Variants in ANOS1 observed in about 807,000 individuals in gnomAD.
The protein encoded by ANOS1 is anosmin 1.
In ANOS1, 6 loss-of-function variants were observed where a neutral mutation model predicts 59.0. The ratio of observed to expected loss-of-function variants is 0.10; its 90% CI spans 0.06 to 0.20. ANOS1 has a LOEUF of 0.20. Ranked by LOEUF, ANOS1 falls within the 10% of genes least tolerant of loss-of-function variation. The pLI, the probability that ANOS1 is intolerant of heterozygous loss-of-function variation, is 1.00. For missense variants in ANOS1, 433 were observed against 542.3 expected (o/e 0.80, Z 2.00); for synonymous variants, 217 against 223.4 (o/e 0.97, Z 0.25).
chrX:8,537,749 C>T (rs1159201598), intron 10 of ANOS1, among the ~76,000 whole-genome samples: 1 of 94,723 alleles, frequency 1.1e-5, no homozygotes, highest in Non-Finnish European at 2.1e-5. Flanking sequence ...ATGGTTTTTA[C>T]GTGTGTGTGT....
At chrX:8,535,204 CA>C (rs1929568557) in intron 12 of ANOS1, 1 of 147,080 alleles carries the variant, frequency 6.8e-6, no homozygotes, top group Non-Finnish European at 1.3e-5. Context: ...GGAAGACGGA[CA>C]AACAACAAGC....
intron 2 of ANOS1, among the ~76,000 whole-genome samples, chrX:8,654,010 G>A (rs1931890139): frequency 8.9e-6 from 1 of 112,039 alleles, no homozygotes; most frequent in Non-Finnish European, 1.9e-5. Flanking sequence ...CCTCCAGCCA[G>A]CTAAATCCCT....
At chrX:8,668,241 C>G (rs1332273048) in intron 2 of ANOS1, among the ~76,000 whole-genome samples, 1 of 106,983 alleles carries the variant, frequency 9.3e-6, no homozygotes, top group South Asian at 4.2e-4. Context: ...GCTTTTGCAT[C>G]CTCATAGCTT....
chrX:8,613,811 G>A (rs5934458), intron 3 of ANOS1, among the ~76,000 whole-genome samples: 40,681 of 110,190 alleles, frequency 0.37, 5,407 homozygotes, highest in South Asian at 0.43. Context: ...CATAAACATG[G>A]CTATCCCTAA....
intron 2 of ANOS1, among the ~76,000 whole-genome samples, chrX:8,664,459 C>G (rs1932099600): frequency 9.1e-6 from 1 of 110,427 alleles, no homozygotes; most frequent in Non-Finnish European, 1.9e-5. Context: ...TCCCAAAGTG[C>G]TGGGATTACA....
intron 3 of ANOS1, among the ~76,000 whole-genome samples, chrX:8,597,667 T>C (rs1852798147): frequency 2.4e-5 from 2 of 83,534 alleles, no homozygotes; most frequent in East Asian, 7.5e-4. Context: ...CCTTTTTTTT[T>C]TTTTTTTTTT....
At chrX:8,563,656 C>T (rs1174417922) in intron 8 of ANOS1, among the ~76,000 whole-genome samples, 2 of 112,310 alleles carry the variant, frequency 1.8e-5, no homozygotes, top group African/African-American at 6.5e-5. Flanking sequence ...AGAAAGCTGT[C>T]GTGTTAGAGT....
In ANOS1 at chrX:8,536,247, T is replaced by G. The variant is rs750017179; in HGVS notation, c.1622-436A>C. On this transcript the variant is annotated intron_variant, in intron 11 of 13. Coordinates refer to ENST00000262648, the MANE Select transcript of ANOS1 (RefSeq NM_000216.4). ...GTGAGATCTTGCTATGTTGCCCATG[T>G]TGGTCTGGAACTCCAGGGCTCAAGT... Among the ~76,000 whole-genome samples, 34 of 95,942 alleles carry G rather than the reference T, an allele frequency of 3.5e-4. 1 individual carries two copies. The South Asian group carries it at 0.018, about 52-fold the overall frequency. 83.3% of individuals were successfully genotyped at this position (95,942 alleles called of 115,157 possible).
chrX:8,682,078 G>A (rs1330794636), intron 2 of ANOS1, among the ~76,000 whole-genome samples: 1 of 110,998 alleles, frequency 9.0e-6, no homozygotes, highest in African/African-American at 3.3e-5. Flanking sequence ...CCCTTCGCAA[G>A]CACGGGGTCA....
At chrX:8,650,458 T>C (rs1602003903) in intron 2 of ANOS1, among the ~76,000 whole-genome samples, 2 of 112,096 alleles carry the variant, frequency 1.8e-5, no homozygotes, top group South Asian at 3.7e-4. Flanking sequence ...TAAAATATCA[T>C]CTGAAAAAGA....
chrX:8,533,713 A>G (rs1335391610), intron 13 of ANOS1, among the ~76,000 whole-genome samples: 2 of 112,082 alleles, frequency 1.8e-5, no homozygotes, highest in Non-Finnish European at 3.8e-5. Flanking sequence ...TGATTTAGCA[A>G]TAAATGAAGT....
chrX:8,595,739 G>A (rs929534393), intron 4 of ANOS1, among the ~76,000 whole-genome samples: 2 of 111,394 alleles, frequency 1.8e-5, no homozygotes, highest in Non-Finnish European at 3.8e-5. Flanking sequence ...AATGAATACT[G>A]CCTACTGACT....
chrX:8,550,816 T>A, intron 9 of ANOS1, among the ~76,000 whole-genome samples: 1 of 109,047 alleles, frequency 9.2e-6, no homozygotes. Context: ...ACAACAAAAA[T>A]CAATTCTGGG....
intron 2 of ANOS1, among the ~76,000 whole-genome samples, chrX:8,663,264 TACGGAAATTTAA>T (rs1434997396): frequency 8.9e-6 from 1 of 111,851 alleles, no homozygotes; most frequent in African/African-American, 3.3e-5. Flanking sequence ...TGATAAGAGA[TACGGAAATTTAA>T]ATTGCATATA....
rs996482643 is a variant in ANOS1 at position 8,564,966 on chromosome X, T to C, written c.1207+3266A>G. On this transcript the variant is annotated intron_variant, in intron 8 of 13. Transcript: ENST00000262648. Reference sequence around the variant, plus strand: ...GTAGCAGAAGAAGCTAATTAAAGAATATCTCCCTGAGTTACAGGGTTGTGT... The same window carrying C: ...GTAGCAGAAGAAGCTAATTAAAGAACATCTCCCTGAGTTACAGGGTTGTGT... 2.7e-5 allele frequency among the ~76,000 whole-genome samples: 3 copies of C among 111,482 alleles called. No individual in the cohort carries two copies. The Admixed American group carries it at 2.9e-4, about 11-fold the overall frequency.
intron 6 of ANOS1, among the ~76,000 whole-genome samples, chrX:8,576,337 G>A (rs937095537): frequency 1.1e-4 from 12 of 110,710 alleles, no homozygotes; most frequent in East Asian, 2.8e-4. Context: ...GGTTCCCTAC[G>A]TTATGAAGCA....
chrX:8,704,443 A>G (rs1296111225), intron 1 of ANOS1, among the ~76,000 whole-genome samples: 1 of 111,798 alleles, frequency 8.9e-6, no homozygotes, highest in Non-Finnish European at 1.9e-5. Context: ...TCTTTCCTGC[A>G]ATTCAATGCT....
chrX:8,610,610 T>C (rs1284813491), intron 3 of ANOS1, among the ~76,000 whole-genome samples: 1 of 111,161 alleles, frequency 9.0e-6, no homozygotes, highest in Non-Finnish European at 1.9e-5. Context: ...TGCATAAGTC[T>C]GGGGAAAGAA....
At chrX:8,569,599 T>G (rs142395228) in intron 7 of ANOS1, among the ~76,000 whole-genome samples, 2,523 of 111,492 alleles carry the variant, frequency 0.023, 92 homozygotes, top group African/African-American at 0.078. Flanking sequence ...CCGAGATTGC[T>G]CCACTGCACT....
Sources: gnomAD v4.1 joint callset for allele counts (sites outside exome capture counted in the v4.1 genomes callset) on GRCh38, gnomAD v4.1.1 for gene constraint, MANE v1.5 for transcripts, NCBI Gene and HGNC (gene_info 2026-07-23, HGNC 2026-07-21) for gene names.